MASP1: variants seen among roughly 807,000 people sequenced by gnomAD.
MASP1 encodes MBL associated serine protease 1, also known as mannan-binding lectin serine protease 1.
MASP1 carries 59 observed loss-of-function variants against 77.1 expected under a neutral mutation model. The observed-to-expected ratio is 0.77, with a 90% CI of 0.62 to 0.95. The LOEUF is 0.95. Among genes scored for constraint, MASP1 ranks in the 40% least tolerant of loss-of-function variants. The probability of loss-of-function intolerance (pLI) is 0.00; values close to 1 mark genes in which losing one functional copy is unlikely to be tolerated. For missense variants in MASP1, 885 were observed against 912.9 expected (o/e 0.97, Z 0.39); for synonymous variants, 362 against 354.5 (o/e 1.02, Z -0.24).
At chr3:187,279,327 C>T (rs531542921) in intron 2 of MASP1, among the ~76,000 whole-genome samples, 1 of 152,322 alleles carries the variant, frequency 6.6e-6, no homozygotes, top group African/African-American at 2.4e-5. Flanking sequence ...CACAAGGCCA[C>T]CTCTTCCTGG....
At chr3:187,269,295 G>A (rs181168713) in intron 2 of MASP1, among the ~76,000 whole-genome samples, 149 of 152,198 alleles carry the variant, frequency 9.8e-4, no homozygotes, top group African/African-American at 3.3e-3. Context: ...TTGTGGATAT[G>A]TTTTTCATCT....
intron 2 of MASP1, among the ~76,000 whole-genome samples, chr3:187,264,230 C>A (rs1366202974): frequency 6.6e-6 from 1 of 152,206 alleles, no homozygotes; most frequent in Non-Finnish European, 1.5e-5. Context: ...CAATTAATCA[C>A]TAACTTTGGG....
Position 187,228,285 on chromosome 3 carries a change from C to CAAA in MASP1, c.1441+1472_1441+1474dup, listed in dbSNP as rs57929155. Among the ~76,000 whole-genome samples, 16 of 101,870 alleles carry CAAA rather than the reference C, an allele frequency of 1.6e-4. 1 individual carries two copies. The highest frequency in any genetic ancestry group is 4.5e-4 in the African/African-American group (13 of 29,088). The allele number at this position is 101,870 out of a possible 152,430, so 66.8% of individuals were successfully genotyped here. On this transcript the variant is annotated intron_variant, in intron 11 of 15. Transcript: ENST00000337774. Reference sequence around the variant, plus strand: ...CTGGTGACAGAATGAGACTCCGTCTCAAAAAAAAAAAAAAAAAATCAAGGT... The same window carrying CAAA: ...CTGGTGACAGAATGAGACTCCGTCTCAAAAAAAAAAAAAAAAAAAAATCAAGGT...
At chr3:187,278,251 G>T (rs913523710) in intron 2 of MASP1, among the ~76,000 whole-genome samples, 3 of 152,206 alleles carry the variant, frequency 2.0e-5, no homozygotes, top group African/African-American at 7.2e-5. Context: ...TGACTCCAAA[G>T]TTTGAGCTCC....
At chr3:187,288,945 T>C (rs575604706) in intron 1 of MASP1, among the ~76,000 whole-genome samples, 58 of 152,278 alleles carry the variant, frequency 3.8e-4, no homozygotes, top group Admixed American at 2.7e-3. Context: ...TCTCCCTTCA[T>C]GTAATGGGCT....
At chr3:187,267,830 A>G (rs1349170501) in intron 2 of MASP1, among the ~76,000 whole-genome samples, 4 of 152,236 alleles carry the variant, frequency 2.6e-5, no homozygotes, top group African/African-American at 7.2e-5. Flanking sequence ...CAGGGCTTTA[A>G]GAGAACTGCT....
chr3:187,225,584 G>A (rs1310699227), intron 12 of MASP1: 51 of 1,475,036 alleles, frequency 3.5e-5, no homozygotes, highest in South Asian at 1.1e-4. Context: ...GTCAGCCCCC[G>A]CCCCAGCCCC....
At chr3:187,259,204 C>A (rs1715354373) in intron 4 of MASP1, among the ~76,000 whole-genome samples, 2 of 152,134 alleles carry the variant, frequency 1.3e-5, no homozygotes, top group South Asian at 4.1e-4. Context: ...TGTTTCTACG[C>A]CCTTGTTCAT....
At position 187,268,494 on chromosome 3, in the gene MASP1, T is replaced by C. The variant is rs142422884; in HGVS notation, c.238-5774A>G. On this transcript the variant is annotated intron_variant, in intron 2 of 10. Coordinates refer to ENST00000296280, the MANE Select transcript of MASP1 (RefSeq NM_139125.4). ...AGAGGACAGAGCGAGACTCTGTCTA[T>C]GAAAAAGAAAGAAAGAAAGAGAGGA... Among the ~76,000 whole-genome samples the C allele has an allele frequency of 4.9e-3, 648 of 133,432 alleles. 6 individuals carry two copies. Among genetic ancestry groups the C allele is most frequent in the African/African-American group, 0.018 (622 of 34,888 alleles). 87.5% of individuals were successfully genotyped at this position (133,432 alleles called of 152,430 possible).
chr3:187,236,364 G>T lies in MASP1; in HGVS notation c.1507C>A (p.Arg503Ser). 6 of 1,614,224 alleles carry T rather than the reference G, an allele frequency of 3.7e-6. No individual in the cohort carries two copies. The highest frequency in any genetic ancestry group is 5.1e-6 in the Non-Finnish European group (6 of 1,180,048). ...LTAAHVLRSQRRDTTVIPVSK... is the reference protein window; with the variant it reads ...LTAAHVLRSQSRDTTVIPVSK... ...ACTGGTATCACCGTGGTGTCTCTAC[G>T]CTGGGAGCGCAGCACATGAGCTGCT... is the stretch of plus-strand genomic sequence containing the variant. The change falls in exon 11 of 11, where the codon CGT becomes AGT. Residue 503 changes from arginine (R) to serine (S), a missense_variant. Transcript: ENST00000296280.
Position 187,236,275 on chromosome 3 carries a change from G to T in MASP1, c.1596C>A (p.Val532=). ...LHDVRDKSGA[V]NSSAARVVLH... ...GCACCACTCGGGCAGCTGAGCTGTT[G>T]ACTGCCCCCGATTTGTCTCGCACAT... Residue 532 remains valine, a synonymous_variant, in exon 11 of 11, where the codon GTC becomes GTA. Coordinates refer to ENST00000296280, the MANE Select transcript of MASP1 (RefSeq NM_139125.4). The T allele has an allele frequency of 6.2e-7, 1 of 1,614,276 alleles. No individual in the cohort carries two copies.
Position 187,253,170 on chromosome 3 carries a change from G to A in MASP1, c.890C>T (p.Ala297Val), listed in dbSNP as rs777017906. 1 of 1,613,874 alleles carries A rather than the reference G, an allele frequency of 6.2e-7. No homozygotes were observed. Among genetic ancestry groups the A allele is most frequent in the Non-Finnish European group, 8.5e-7 (1 of 1,179,982 alleles). The change falls in exon 6 of 11, where the codon GCA becomes GTA. Residue 297 changes from alanine (A) to valine (V), a missense_variant and splice_region_variant. Coordinates refer to ENST00000296280, the MANE Select transcript of MASP1 (RefSeq NM_139125.4). The part of the protein sequence containing the change: ...NRGWRLSYRA[A>V]GNECPELQPP... ...TGACCTGGGAGGGAAGAGGTTACCT[G>A]CAGCCCTGTATGAGAGCCTCCAGCC...
chr3:187,220,016 C>G, exon 16 of MASP1: 1 of 1,579,844 alleles, frequency 6.3e-7, no homozygotes, highest in Non-Finnish European at 8.7e-7. Flanking sequence ...ATCGGAGGAT[C>G]GTCCTCTGCT....
chr3:187,235,016 C>T lies in MASP1; in HGVS notation c.*668G>A. 3 of 1,287,244 alleles carry T rather than the reference C, an allele frequency of 2.3e-6. No individual in the cohort carries two copies. The highest frequency in any genetic ancestry group is 3.0e-6 in the Non-Finnish European group (3 of 988,700). The allele number at this position is 1,287,244 out of a possible 1,614,324, so 79.7% of individuals were successfully genotyped here. A position where few individuals can be genotyped will look rare whatever the true frequency, so the allele number is the denominator to read the frequency against. ...TCCCAGCAGTCAGCACAAACCTTCC[C>T]AACTTTCTCCATGTCTTTTGAAATT... On this transcript the variant is annotated 3_prime_UTR_variant, in exon 11 of 11. Coordinates refer to ENST00000296280, the MANE Select transcript of MASP1 (RefSeq NM_139125.4).
At chr3:187,253,114 C>G in intron 6 of MASP1, 54 bp downstream of exon 6, 1 of 1,610,016 alleles carries the variant, frequency 6.2e-7, no homozygotes, top group Non-Finnish European at 8.5e-7. Context: ...CAGCCACTGC[C>G]TCTGCAAGGG....
chr3:187,252,934 C>T (rs547319007), intron 6 of MASP1, among the ~76,000 whole-genome samples: 65 of 152,314 alleles, frequency 4.3e-4, no homozygotes, highest in African/African-American at 1.6e-3. Context: ...TACTGAAGTA[C>T]ATGTTTTGAA....
At chr3:187,274,066 G>A (rs999249074) in intron 2 of MASP1, among the ~76,000 whole-genome samples, 6 of 151,968 alleles carry the variant, frequency 3.9e-5, no homozygotes, top group Non-Finnish European at 7.4e-5. Flanking sequence ...AAATTAGCCG[G>A]GCGTCCTGGC....
At chr3:187,266,257 T>C (rs966802485) in intron 2 of MASP1, among the ~76,000 whole-genome samples, 2 of 152,248 alleles carry the variant, frequency 1.3e-5, no homozygotes, top group Non-Finnish European at 1.5e-5. Flanking sequence ...TCACCAAATA[T>C]GTGTGTACTA....
exon 16 of MASP1, chr3:187,220,130 A>G (rs770356242): frequency 1.2e-6 from 2 of 1,614,140 alleles, no homozygotes; most frequent in Non-Finnish European, 8.5e-7. Flanking sequence ...ATGTAAGAGT[A>G]TACTCCGTAG....
Sources: gnomAD v4.1 joint callset for allele counts (sites outside exome capture counted in the v4.1 genomes callset) on GRCh38, gnomAD v4.1.1 for gene constraint, MANE v1.5 for transcripts, NCBI Gene and HGNC (gene_info 2026-07-23, HGNC 2026-07-21) for gene names.